DCDC1: variants seen among roughly 807,000 people sequenced by gnomAD.
DCDC1 encodes doublecortin domain-containing protein 1.
DCDC1 carries 200 observed loss-of-function variants against 178.3 expected under a neutral mutation model. The ratio of observed to expected loss-of-function variants is 1.12; its 90% CI spans 1.00 to 1.26. The LOEUF is 1.26. Ranked by LOEUF, DCDC1 falls within the 50% of genes most tolerant of loss-of-function variation. The pLI is 0.00. For missense variants in DCDC1, 1,983 were observed against 1,749.2 expected, an observed-to-expected ratio of 1.13 and a Z score of -2.38; for synonymous variants, 690 against 604.8, an observed-to-expected ratio of 1.14 and a Z score of -2.07.
At chr11:31,251,687 C>A (rs1944046432) in intron 8 of DCDC1, among the ~76,000 whole-genome samples, 1 of 151,908 alleles carries the variant, frequency 6.6e-6, no homozygotes, top group Admixed American at 6.6e-5. Flanking sequence ...ATACACCACC[C>A]TAGATGAGAT....
chr11:31,107,173 G>C (rs1958908142), intron 12 of DCDC1, among the ~76,000 whole-genome samples: 1 of 152,160 alleles, frequency 6.6e-6, no homozygotes, highest in African/African-American at 2.4e-5. Context: ...CCAGCAGGGG[G>C]GGCCACAGGC....
At chr11:31,278,286 T>C (rs989166662) in intron 7 of DCDC1, among the ~76,000 whole-genome samples, 1 of 152,128 alleles carries the variant, frequency 6.6e-6, no homozygotes, top group Non-Finnish European at 1.5e-5. Context: ...TTTAGCTTTA[T>C]AATAGATGTT....
chr11:31,252,208 A>G (rs1360223464), intron 8 of DCDC1, among the ~76,000 whole-genome samples: 1 of 152,188 alleles, frequency 6.6e-6, no homozygotes, highest in African/African-American at 2.4e-5. Flanking sequence ...CAACATTTTT[A>G]TAATAACTTG....
intron 20 of DCDC1, among the ~76,000 whole-genome samples, chr11:31,028,547 C>T (rs1408526994): frequency 6.6e-6 from 1 of 151,922 alleles, no homozygotes; most frequent in Non-Finnish European, 1.5e-5. Flanking sequence ...TATTTACTCA[C>T]AGCATGATAA....
intron 17 of DCDC1, among the ~76,000 whole-genome samples, chr11:31,087,691 C>T (rs1487400361): frequency 6.6e-6 from 1 of 152,118 alleles, no homozygotes; most frequent in Non-Finnish European, 1.5e-5. Flanking sequence ...AGAGAACACA[C>T]TCTATATTAC....
Position 31,280,723 on chromosome 11 carries a change from C to T in DCDC1, c.960+9924G>A, listed in dbSNP as rs559456894. 30 of 583,084 alleles carry T rather than the reference C, an allele frequency of 5.1e-5. 1 individual carries two copies. The highest frequency in any genetic ancestry group is 3.5e-4 in the South Asian group (24 of 67,736). 36.1% of individuals were successfully genotyped at this position (583,084 alleles called of 1,614,324 possible). On this transcript the variant is annotated intron_variant, in intron 7 of 38. Coordinates refer to ENST00000684477, the MANE Select transcript of DCDC1 (RefSeq NM_001387274.1). ...CTAACAAGTCTGCCCTTTCTGCCTT[C>T]TTCTTAATGCCGGCAAAGATCATTT...
At chr11:31,225,325 G>A (rs1476320642) in intron 9 of DCDC1, among the ~76,000 whole-genome samples, 1 of 149,966 alleles carries the variant, frequency 6.7e-6, no homozygotes, top group Non-Finnish European at 1.5e-5. Flanking sequence ...AAGCTATGAG[G>A]AGGCAAAGGC....
chr11:31,226,211 T>C (rs74906446), intron 9 of DCDC1, among the ~76,000 whole-genome samples: 2,930 of 152,032 alleles, frequency 0.019, 88 homozygotes, highest in African/African-American at 0.066. Context: ...TGAAGGTGAC[T>C]CATGTCCTAG....
intron 7 of DCDC1, among the ~76,000 whole-genome samples, chr11:31,288,866 T>C (rs2137373137): frequency 6.6e-6 from 1 of 152,020 alleles, no homozygotes; most frequent in South Asian, 2.1e-4. Flanking sequence ...GCCTTATTTT[T>C]CCCTTCTAAA....
chr11:30,972,139 C>A (rs1949836304), intron 20 of DCDC1, among the ~76,000 whole-genome samples: 1 of 152,128 alleles, frequency 6.6e-6, no homozygotes, highest in Non-Finnish European at 1.5e-5. Context: ...CAGAGATCCT[C>A]AAATAGATGC....
intron 4 of DCDC1, 108 bp from the exon 5 acceptor site, chr11:31,306,496 C>T: frequency 8.2e-7 from 1 of 1,221,410 alleles, no homozygotes; most frequent in Non-Finnish European, 1.1e-6. Flanking sequence ...AAAGATTGTT[C>T]CTATGTATAT....
At chr11:30,990,200 T>C (rs997405562) in intron 20 of DCDC1, among the ~76,000 whole-genome samples, 4 of 152,242 alleles carry the variant, frequency 2.6e-5, no homozygotes, top group African/African-American at 9.6e-5. Context: ...ATATATGCAG[T>C]TGAGTTTGTG....
intron 21 of DCDC1, among the ~76,000 whole-genome samples, chr11:30,950,477 G>C (rs748803313): frequency 1.1e-4 from 16 of 152,088 alleles, no homozygotes; most frequent in Non-Finnish European, 1.9e-4. Flanking sequence ...ACAGATGAAT[G>C]GACAAAGAAA....
chr11:30,958,913 T>C (rs1056630767), intron 20 of DCDC1, among the ~76,000 whole-genome samples: 4 of 152,060 alleles, frequency 2.6e-5, no homozygotes, highest in Admixed American at 2.6e-4. Context: ...CCAGGGGACC[T>C]TGGGGACATT....
At chr11:30,956,549 G>A (rs960674564) in intron 20 of DCDC1, among the ~76,000 whole-genome samples, 8 of 152,042 alleles carry the variant, frequency 5.3e-5, no homozygotes, top group Admixed American at 4.6e-4. Context: ...CTATGCATAG[G>A]AGCAAGTATC....
At chr11:30,954,237 G>A (rs1224686216) in intron 20 of DCDC1, among the ~76,000 whole-genome samples, 1 of 151,668 alleles carries the variant, frequency 6.6e-6, no homozygotes, top group African/African-American at 2.4e-5. Context: ...GGATGGTCTC[G>A]ATCTCCTGAC....
chr11:31,348,253 C>T (rs1182415576), intron 1 of DCDC1, among the ~76,000 whole-genome samples: 1 of 152,114 alleles, frequency 6.6e-6, no homozygotes, highest in Non-Finnish European at 1.5e-5. Context: ...AATATTCGAA[C>T]TCACATTTTC....
intron 9 of DCDC1, among the ~76,000 whole-genome samples, chr11:31,224,490 A>AAAAT (rs903225601): frequency 3.4e-4 from 52 of 152,046 alleles, no homozygotes; most frequent in African/African-American, 1.2e-3. Context: ...AGCAAATGCA[A>AAAAT]AAATAAATAA....
chr11:31,275,598 G>A (rs544191476), intron 7 of DCDC1, among the ~76,000 whole-genome samples: 19 of 151,856 alleles, frequency 1.3e-4, no homozygotes, highest in African/African-American at 4.1e-4. Context: ...TCTGCCTCCC[G>A]GGTTCAAGTG....
Sources: gnomAD v4.1 joint callset for allele counts (sites outside exome capture counted in the v4.1 genomes callset) on GRCh38, gnomAD v4.1.1 for gene constraint, MANE v1.5 for transcripts, NCBI Gene and HGNC (gene_info 2026-07-23, HGNC 2026-07-21) for gene names.